Variants in PCDHA4 observed in about 807,000 individuals in gnomAD.
PCDHA4 encodes protocadherin alpha-4.
A neutral mutation model predicts 61.4 loss-of-function variants in PCDHA4; 49 were observed. The observed-to-expected ratio is 0.80, with a 90% CI of 0.63 to 1.01. The LOEUF (loss-of-function observed/expected upper bound fraction) is 1.01. Among genes scored for constraint, PCDHA4 ranks in the 50% least tolerant of loss-of-function variants. The probability of loss-of-function intolerance (pLI) is 0.00; values close to 1 mark genes in which losing one functional copy is unlikely to be tolerated. For missense variants in PCDHA4, 1,254 were observed against 1,235.8 expected (o/e 1.01, Z -0.22); for synonymous variants, 590 against 550.3 (o/e 1.07, Z -1.01).
intron 1 of PCDHA4, chr5:140,850,527 T>C: frequency 6.3e-7 from 1 of 1,598,028 alleles, no homozygotes; most frequent in Non-Finnish European, 8.6e-7. Flanking sequence ...GGCGCCAAAG[T>C]CATCGTCGCG....
intron 1 of PCDHA4, among the ~76,000 whole-genome samples, chr5:140,833,816 G>T (rs1183513808): frequency 6.6e-6 from 1 of 151,956 alleles, no homozygotes; most frequent in Non-Finnish European, 1.5e-5. Flanking sequence ...TGAGATCCTG[G>T]GTCCCTAAAA....
At chr5:140,920,474 GT>G (rs1407391996) in intron 1 of PCDHA4, among the ~76,000 whole-genome samples, 1 of 152,008 alleles carries the variant, frequency 6.6e-6, no homozygotes, top group Non-Finnish European at 1.5e-5. Flanking sequence ...ATTTCTGTAT[GT>G]TTTTGGTCCA....
intron 1 of PCDHA4, among the ~76,000 whole-genome samples, chr5:140,886,515 G>A (rs1554182564): frequency 3.9e-5 from 6 of 151,972 alleles, no homozygotes; most frequent in Non-Finnish European, 8.8e-5. Flanking sequence ...TGGATTTTAA[G>A]GTCTGCATAT....
At chr5:140,877,663 C>G in intron 1 of PCDHA4, 4 of 1,613,552 alleles carry the variant, frequency 2.5e-6, no homozygotes, top group Non-Finnish European at 3.4e-6. Context: ...CACCGTGAGC[C>G]GGTGCGCGCC....
At chr5:140,841,266 C>T in intron 1 of PCDHA4, 3 of 1,522,300 alleles carry the variant, frequency 2.0e-6, no homozygotes, top group Non-Finnish European at 2.6e-6. Flanking sequence ...TCTGAAAGTA[C>T]AGTCGTTCAT....
At chr5:140,928,844 C>A (rs782361945) in intron 1 of PCDHA4, 9 of 1,614,168 alleles carry the variant, frequency 5.6e-6, no homozygotes, top group Non-Finnish European at 7.6e-6. Context: ...TCCTCTGTCA[C>A]TCTGGGTGTG....
intron 1 of PCDHA4, among the ~76,000 whole-genome samples, chr5:140,925,728 TAAATATTTACAGAAAGA>T (rs1554202900): frequency 6.6e-6 from 1 of 151,870 alleles, no homozygotes; most frequent in African/African-American, 2.4e-5. Context: ...TGGTGTTTTC[TAAATATTTACAGAAAGA>T]AAATTTACAG....
intron 1 of PCDHA4, among the ~76,000 whole-genome samples, chr5:140,977,568 G>A (rs547387044): frequency 1.3e-5 from 2 of 152,312 alleles, no homozygotes; most frequent in East Asian, 1.9e-4. Context: ...TAGCAGATTG[G>A]TAGAATAGAG....
At chr5:140,833,614 T>A (rs1430791887) in intron 1 of PCDHA4, among the ~76,000 whole-genome samples, 2 of 152,120 alleles carry the variant, frequency 1.3e-5, no homozygotes, top group African/African-American at 4.8e-5. Flanking sequence ...AAGCAAAAAA[T>A]TCAGAATACT....
intron 1 of PCDHA4, among the ~76,000 whole-genome samples, chr5:140,891,305 C>T (rs2063030266): frequency 6.6e-6 from 1 of 152,042 alleles, no homozygotes; most frequent in South Asian, 2.1e-4. Context: ...TATTTGATTA[C>T]ATGAGTAAGT....
At chr5:140,858,549 G>C in intron 1 of PCDHA4, 1 of 1,394,430 alleles carries the variant, frequency 7.2e-7, no homozygotes, top group South Asian at 1.2e-5. Context: ...TTCCATTTAT[G>C]CTTGAATATT....
intron 1 of PCDHA4, among the ~76,000 whole-genome samples, chr5:140,976,886 AC>A (rs2096735847): frequency 6.6e-6 from 1 of 152,232 alleles, no homozygotes; most frequent in African/African-American, 2.4e-5. Flanking sequence ...GAATTAGGAT[AC>A]ATGCAACAGT....
chr5:141,008,607 C>T (rs782227320), intron 3 of PCDHA4, among the ~76,000 whole-genome samples: 33 of 152,196 alleles, frequency 2.2e-4, no homozygotes, highest in Non-Finnish European at 3.8e-4. Flanking sequence ...CCTCTGGAAC[C>T]CCATTAACTT....
In PCDHA4 at chr5:141,008,942, A is replaced by G. The variant is rs544111760; in HGVS notation, c.2534-685A>G. Among the ~76,000 whole-genome samples the G allele has an allele frequency of 1.5e-4, 23 of 152,326 alleles. No homozygotes were observed. In the South Asian group the frequency reaches 4.8e-3, roughly 32 times the overall value. On this transcript the variant is annotated intron_variant, in intron 3 of 3. Transcript: ENST00000530339. ...ATTCAGCTAATTTTTCTTGTTTTGG[A>G]CAAAATAGACATCCTAATACATTTA...
chr5:140,980,455 C>T (rs1412427414), intron 2 of PCDHA4, among the ~76,000 whole-genome samples: 1 of 152,086 alleles, frequency 6.6e-6, no homozygotes, highest in African/African-American at 2.4e-5. Context: ...CACGGTGAAA[C>T]CCTGTCTCTA....
intron 1 of PCDHA4, chr5:140,884,006 C>T (rs369069323): frequency 1.2e-6 from 2 of 1,612,906 alleles, no homozygotes; most frequent in African/African-American, 2.7e-5. Context: ...AGTGAGCGAG[C>T]TGATGCCGCG....
At chr5:140,955,797 T>C (rs1374924586) in intron 1 of PCDHA4, among the ~76,000 whole-genome samples, 3 of 152,212 alleles carry the variant, frequency 2.0e-5, no homozygotes, top group Non-Finnish European at 4.4e-5. Flanking sequence ...TGTTTTTCTA[T>C]TTGTTTGTGT....
At chr5:140,868,817 T>C in intron 1 of PCDHA4, 1 of 380,686 alleles carries the variant, frequency 2.6e-6, no homozygotes, top group South Asian at 6.7e-5. Context: ...TTGGAAATAT[T>C]TGGGGGAAGA....
chr5:140,882,369 C>G (rs1554173809), intron 1 of PCDHA4: 4 of 1,614,104 alleles, frequency 2.5e-6, no homozygotes, highest in African/African-American at 1.3e-5. Flanking sequence ...CTCCACTACT[C>G]CGTCCCCGAG....
Sources: allele counts gnomAD v4.1 joint callset (sites outside exome capture counted in the v4.1 genomes callset), GRCh38; gene constraint gnomAD v4.1.1; transcripts MANE v1.5; gene names NCBI Gene and HGNC (gene_info 2026-07-23, HGNC 2026-07-21).